Variants in NT5E observed in about 807,000 individuals in gnomAD.
NT5E encodes 5'-nucleotidase.
A neutral mutation model predicts 55.1 loss-of-function variants in NT5E; 53 were observed. The ratio of observed to expected loss-of-function variants is 0.96; its 90% confidence interval spans 0.77 to 1.21. The LOEUF is 1.21. NT5E is among the 50% of genes most tolerant of loss of function. The probability of loss-of-function intolerance (pLI) is 0.00; values close to 1 mark genes in which losing one functional copy is unlikely to be tolerated. For synonymous variants in NT5E, 270 were observed against 278.4 expected, an observed-to-expected ratio of 0.97 and a Z score of 0.30; for missense variants, 683 against 724.3, an observed-to-expected ratio of 0.94 and a Z score of 0.65.
chr6:85,451,423 T>A, intron 1 of NT5E, among the ~76,000 whole-genome samples: 1 of 152,184 alleles, frequency 6.6e-6, no homozygotes. Flanking sequence ...GGTAATGCCT[T>A]TTCTATTGCA....
At chr6:85,484,111 C>T (rs1392145633) in intron 3 of NT5E, among the ~76,000 whole-genome samples, 2 of 152,178 alleles carry the variant, frequency 1.3e-5, no homozygotes, top group African/African-American at 4.8e-5. Context: ...GGCCGATTCT[C>T]GTAACAGGTC....
At chr6:85,485,849 T>G (rs1479347874) in intron 4 of NT5E, among the ~76,000 whole-genome samples, 2 of 152,200 alleles carry the variant, frequency 1.3e-5, no homozygotes, top group Admixed American at 6.5e-5. Flanking sequence ...AGTTTCTTTA[T>G]CAAATGAGGG....
At chr6:85,478,276 G>A (rs145303286) in intron 3 of NT5E, among the ~76,000 whole-genome samples, 40 of 152,240 alleles carry the variant, frequency 2.6e-4, no homozygotes, top group Admixed American at 1.5e-3. Flanking sequence ...GAGACTATCC[G>A]AAACCAAAAT....
At chr6:85,467,807 G>GAT (rs1769224569) in intron 2 of NT5E, among the ~76,000 whole-genome samples, 1 of 151,432 alleles carries the variant, frequency 6.6e-6, no homozygotes, top group South Asian at 2.1e-4. Flanking sequence ...GATATATATG[G>GAT]ATATATATAA....
At chr6:85,488,159 T>G (rs1173250234) in intron 5 of NT5E, among the ~76,000 whole-genome samples, 1 of 152,156 alleles carries the variant, frequency 6.6e-6, no homozygotes, top group African/African-American at 2.4e-5. Flanking sequence ...AGACCAGGTA[T>G]GAAGAACAAG....
chr6:85,464,105 T>A (rs1353236905), intron 1 of NT5E, among the ~76,000 whole-genome samples: 1 of 143,878 alleles, frequency 7.0e-6, no homozygotes, highest in Non-Finnish European at 1.5e-5. Context: ...GTGCTTTGTG[T>A]ATGCTAGGCT....
At chr6:85,463,199 C>A (rs933103038) in intron 1 of NT5E, among the ~76,000 whole-genome samples, 4 of 152,268 alleles carry the variant, frequency 2.6e-5, no homozygotes, top group South Asian at 2.1e-4. Flanking sequence ...TACTGAAGAT[C>A]ATTTTGCTGG....
intron 3 of NT5E, among the ~76,000 whole-genome samples, chr6:85,473,125 G>T (rs1273445025): frequency 3.9e-5 from 6 of 152,174 alleles, no homozygotes; most frequent in African/African-American, 9.7e-5. Context: ...ACTCCATGAG[G>T]GTTAAATGAA....
chr6:85,454,482 T>C (rs1246209897), intron 1 of NT5E, among the ~76,000 whole-genome samples: 2 of 152,168 alleles, frequency 1.3e-5, no homozygotes, highest in African/African-American at 2.4e-5. Flanking sequence ...TCTTCTCTAA[T>C]TGCTTATTCA....
chr6:85,485,075 G>A (rs1230511652), intron 3 of NT5E, among the ~76,000 whole-genome samples, 160 bp from the exon 4 acceptor site: 3 of 152,204 alleles, frequency 2.0e-5, no homozygotes, highest in African/African-American at 7.2e-5. Context: ...TTTGGAAATG[G>A]GCAAATGCCC....
At chr6:85,458,463 A>T (rs1769030345) in intron 1 of NT5E, among the ~76,000 whole-genome samples, 1 of 152,336 alleles carries the variant, frequency 6.6e-6, no homozygotes, top group Non-Finnish European at 1.5e-5. Context: ...TTCTCAGCTC[A>T]TCTTGTCCTC....
At chr6:85,484,767 A>G (rs1769615578) in intron 3 of NT5E, among the ~76,000 whole-genome samples, 1 of 152,202 alleles carries the variant, frequency 6.6e-6, no homozygotes, top group Admixed American at 6.5e-5. Context: ...ACAATGTGCC[A>G]GGCACCCCAG....
At chr6:85,480,147 G>A (rs535072841) in intron 3 of NT5E, among the ~76,000 whole-genome samples, 2 of 152,284 alleles carry the variant, frequency 1.3e-5, no homozygotes, top group South Asian at 4.1e-4. Flanking sequence ...GTGGTGAACT[G>A]TCCCTACCTA....
rs1364343146 is a variant in NT5E, at chr6:85,495,693, A to C, written c.*1689A>C. 2 of 152,306 alleles carry C rather than the reference A, an allele frequency of 1.3e-5. No homozygotes were observed. Among genetic ancestry groups the C allele is most frequent in the South Asian group, 2.1e-4 (1 of 4,820 alleles). 9.4% of individuals were successfully genotyped at this position (152,306 alleles called of 1,614,324 possible). On this transcript the variant is annotated 3_prime_UTR_variant, in exon 9 of 9. Coordinates refer to ENST00000257770, the MANE Select transcript of NT5E (RefSeq NM_002526.4). ...TTAAAGAACTTTTTTTAAGTTTCCTAAATCTGTGTGTGTATTGTGAAGTGG... is the reference window on the plus strand; with the variant it reads ...TTAAAGAACTTTTTTTAAGTTTCCTCAATCTGTGTGTGTATTGTGAAGTGG...
intron 4 of NT5E, among the ~76,000 whole-genome samples, 191 bp from the exon 5 acceptor site, chr6:85,487,144 T>C (rs144993352): frequency 5.3e-5 from 8 of 152,212 alleles, no homozygotes; most frequent in Non-Finnish European, 7.3e-5. Context: ...TTAAGATGCA[T>C]TCCAGGTCTT....
intron 1 of NT5E, among the ~76,000 whole-genome samples, chr6:85,454,403 T>A (rs1768949032): frequency 6.6e-6 from 1 of 152,274 alleles, no homozygotes; most frequent in Admixed American, 6.5e-5. Context: ...TGCTGCTTTA[T>A]CATGTACTTT....
chr6:85,452,341 T>C (rs796880688), intron 1 of NT5E, among the ~76,000 whole-genome samples: 3 of 152,240 alleles, frequency 2.0e-5, no homozygotes, highest in Non-Finnish European at 4.4e-5. Flanking sequence ...TTTTCCCTAA[T>C]AATATTTCCC....
chr6:85,452,251 A>T (rs1582365123), intron 1 of NT5E, among the ~76,000 whole-genome samples: 3 of 152,184 alleles, frequency 2.0e-5, no homozygotes, highest in Admixed American at 2.0e-4. Flanking sequence ...GACTTTGTAA[A>T]CTTTACTTTT....
At chr6:85,480,271 C>T (rs183893908) in intron 3 of NT5E, among the ~76,000 whole-genome samples, 3 of 152,316 alleles carry the variant, frequency 2.0e-5, no homozygotes, top group Middle Eastern at 3.4e-3. Context: ...TGCATAATCT[C>T]TTTAGACTTC....
Sources: allele counts gnomAD v4.1 joint callset (sites outside exome capture counted in the v4.1 genomes callset), GRCh38; gene constraint gnomAD v4.1.1; transcripts MANE v1.5; gene names NCBI Gene and HGNC (gene_info 2026-07-23, HGNC 2026-07-21).